Variants in CACNB4 observed in about 807,000 individuals in gnomAD.
CACNB4 encodes the protein voltage-dependent L-type calcium channel subunit beta-4.
A neutral mutation model predicts 71.2 loss-of-function variants in CACNB4; 32 were observed. The ratio of observed to expected loss-of-function variants is 0.45; its 90% CI spans 0.34 to 0.60. CACNB4 has a LOEUF of 0.60. Ranked by LOEUF, CACNB4 falls within the 20% of genes least tolerant of loss-of-function variation. CACNB4 has a pLI of 0.01. For missense variants in CACNB4, 464 were observed against 647.9 expected (o/e 0.72, Z 3.08); for synonymous variants, 231 against 236.9 (o/e 0.97, Z 0.23).
intron 2 of CACNB4, among the ~76,000 whole-genome samples, chr2:151,997,378 C>T (rs549929639): frequency 2.2e-4 from 34 of 152,112 alleles, no homozygotes; most frequent in African/African-American, 8.0e-4. Context: ...ACTAAAAATA[C>T]AAAAAATTAG....
intron 2 of CACNB4, among the ~76,000 whole-genome samples, chr2:152,033,631 G>T (rs986017274): frequency 6.6e-6 from 1 of 152,048 alleles, no homozygotes; most frequent in African/African-American, 2.4e-5. Context: ...CTGCACAGAC[G>T]GTATAGTCTC....
chr2:152,032,676 A>AT (rs1249923938), intron 2 of CACNB4, among the ~76,000 whole-genome samples: 1 of 152,168 alleles, frequency 6.6e-6, no homozygotes, highest in African/African-American at 2.4e-5. Context: ...TCTTAAAAAG[A>AT]TTTTTTAGGC....
At chr2:152,057,243 A>C (rs549903757) in intron 2 of CACNB4, among the ~76,000 whole-genome samples, 6 of 152,294 alleles carry the variant, frequency 3.9e-5, no homozygotes, top group Non-Finnish European at 7.3e-5. Flanking sequence ...AAATCCATGC[A>C]AATGAGCTGA....
At chr2:151,902,262 CT>C (rs1400526456) in intron 2 of CACNB4, among the ~76,000 whole-genome samples, 1 of 152,128 alleles carries the variant, frequency 6.6e-6, no homozygotes, top group Non-Finnish European at 1.5e-5. Context: ...AACTCCTGGA[CT>C]CAAGTGATCC....
At chr2:151,900,991 CTTTTT>C (rs869114252) in intron 2 of CACNB4, among the ~76,000 whole-genome samples, 18 of 9,036 alleles carry the variant, frequency 2.0e-3, no homozygotes, top group Non-Finnish European at 4.0e-3. Context: ...TTCTTTCTTT[CTTTTT>C]TTTTTTTTTT....
intron 2 of CACNB4, chr2:151,968,348 G>C (rs1225050425): frequency 1.3e-5 from 2 of 152,218 alleles, no homozygotes; most frequent in South Asian, 2.1e-4. Context: ...TGAGAACACA[G>C]AGCCTATATC....
chr2:151,868,259 C>T (rs2099843689), intron 9 of CACNB4: 2 of 152,136 alleles, frequency 1.3e-5, no homozygotes, highest in South Asian at 4.1e-4. Flanking sequence ...AAGTGAATGG[C>T]TTAATTACTG....
In CACNB4 at chr2:151,907,617, T is replaced by C. The variant is rs567750095; in HGVS notation, c.148-24247A>G. Among the ~76,000 whole-genome samples the C allele has an allele frequency of 6.8e-4, 104 of 152,356 alleles. 2 individuals carry two copies. The highest frequency in any genetic ancestry group is 2.3e-3 in the South Asian group (11 of 4,826). The stretch of plus-strand genomic sequence containing the variant: ...ATGTCCTTTTTCTGTTCCAGGAGCA[T>C]TGCAATTCAGAATACCATATTGTAT... On this transcript the variant is annotated intron_variant, in intron 2 of 13. Coordinates refer to ENST00000539935, the MANE Select transcript of CACNB4 (RefSeq NM_000726.5).
At chr2:152,001,920 G>A (rs1008336865) in intron 2 of CACNB4, among the ~76,000 whole-genome samples, 6 of 152,120 alleles carry the variant, frequency 3.9e-5, no homozygotes, top group African/African-American at 1.2e-4. Flanking sequence ...AGGGAGGTGC[G>A]GGAGAGGTAG....
intron 2 of CACNB4, among the ~76,000 whole-genome samples, chr2:152,027,183 G>A (rs186475404): frequency 2.4e-4 from 37 of 152,292 alleles, no homozygotes; most frequent in East Asian, 7.7e-4. Context: ...GATTACAGGC[G>A]TGAGCCAGGG....
chr2:151,900,969 C>A (rs76330438), intron 2 of CACNB4, among the ~76,000 whole-genome samples: 1 of 139,334 alleles, frequency 7.2e-6, no homozygotes, highest in Non-Finnish European at 1.5e-5. Flanking sequence ...TCAGGATTTT[C>A]TTTTCTTTTC....
chr2:152,051,150 A>G (rs766442616), intron 2 of CACNB4, among the ~76,000 whole-genome samples: 2 of 152,178 alleles, frequency 1.3e-5, no homozygotes, highest in African/African-American at 4.8e-5. Flanking sequence ...ATGGAGAGAC[A>G]GGTGACTGGT....
chr2:151,837,295 AT>A lies in CACNB4; in HGVS notation c.*1823del, dbSNP rs1249060222. On this transcript the variant is annotated 3_prime_UTR_variant, in exon 14 of 14. Transcript: ENST00000539935. Reference sequence around the variant, plus strand: ...TTACAGAATTATAGGTATCCTCATTATCAGCTAAACAGGTTCATAATGGGGT... The same window carrying A: ...TTACAGAATTATAGGTATCCTCATTACAGCTAAACAGGTTCATAATGGGGT... The A allele has an allele frequency of 3.3e-5, 5 of 152,050 alleles. No homozygotes were observed. Among genetic ancestry groups the A allele is most frequent in the South Asian group, 2.1e-4 (1 of 4,830 alleles). 9.4% of individuals were successfully genotyped at this position (152,050 alleles called of 1,614,324 possible).
At chr2:151,873,332 C>T (rs1226182009) in intron 5 of CACNB4, 1 of 152,110 alleles carries the variant, frequency 6.6e-6, no homozygotes, top group African/African-American at 2.4e-5. Context: ...CGGAAATTTG[C>T]ACTATATACT....
At chr2:152,041,949 G>A (rs1239030284) in intron 2 of CACNB4, among the ~76,000 whole-genome samples, 1 of 152,150 alleles carries the variant, frequency 6.6e-6, no homozygotes, top group Non-Finnish European at 1.5e-5. Context: ...CCAGCACTTG[G>A]AATAATGCCC....
chr2:152,057,505 T>C (rs1003754624), intron 2 of CACNB4, among the ~76,000 whole-genome samples: 2 of 152,184 alleles, frequency 1.3e-5, no homozygotes, highest in African/African-American at 4.8e-5. Context: ...ATTCATGGGC[T>C]AGGGAGACAG....
Position 151,841,968 on chromosome 2 carries a change from G to A in CACNB4, c.1237C>T (p.Leu413=). The change falls in exon 13 of 14, where the codon CTG becomes TTG. Residue 413 remains leucine (L), a synonymous_variant. Coordinates refer to ENST00000539935, the MANE Select transcript of CACNB4 (RefSeq NM_000726.5). The part of the protein sequence containing the change: ...HTTSSTPMTP[L]LGRNLGSTAL... ...GTGGAGCCCAAATTCCTTCCCAGCAGCGGGGTCATGGGTGTGCTACTGGTT... is the reference window on the plus strand; with the variant it reads ...GTGGAGCCCAAATTCCTTCCCAGCAACGGGGTCATGGGTGTGCTACTGGTT... 6.2e-7 allele frequency: 1 copy of A among 1,613,916 alleles called. No homozygotes were observed. Among genetic ancestry groups the A allele is most frequent in the Non-Finnish European group, 8.5e-7 (1 of 1,179,864 alleles).
chr2:151,895,232 T>C (rs1487461216), intron 2 of CACNB4, among the ~76,000 whole-genome samples: 1 of 151,682 alleles, frequency 6.6e-6, no homozygotes, highest in African/African-American at 2.4e-5. Flanking sequence ...TAAAACAGCA[T>C]GGTATTGGTA....
At chr2:151,942,323 AAAT>A (rs1446254382) in intron 2 of CACNB4, among the ~76,000 whole-genome samples, 1 of 149,266 alleles carries the variant, frequency 6.7e-6, no homozygotes. Flanking sequence ...ATCCGTTCCC[AAAT>A]AATACTTTTA....
Sources: gnomAD v4.1 joint callset for allele counts (sites outside exome capture counted in the v4.1 genomes callset) on GRCh38, gnomAD v4.1.1 for gene constraint, MANE v1.5 for transcripts, NCBI Gene and HGNC (gene_info 2026-07-23, HGNC 2026-07-21) for gene names.